Variants in CRADD observed in about 807,000 individuals in gnomAD.
CRADD encodes the protein death domain-containing protein CRADD.
Under a neutral mutation model 15.5 loss-of-function variants are expected in CRADD, and 9 were observed. The ratio of observed to expected loss-of-function variants is 0.58; its 90% confidence interval spans 0.35 to 1.01. The LOEUF is 1.01. CRADD is among the 50% of genes least tolerant of loss of function. CRADD has a pLI of 0.02. For missense variants in CRADD, 227 were observed against 250.3 expected (o/e 0.91, Z 0.63); for synonymous variants, 118 against 107.6 (o/e 1.10, Z -0.60).
intron 2 of CRADD, among the ~76,000 whole-genome samples, chr12:93,779,819 C>T (rs1411020114): frequency 6.6e-6 from 1 of 152,100 alleles, no homozygotes; most frequent in Non-Finnish European, 1.5e-5. Context: ...GAACTCCTGA[C>T]CTCAGGTGAT....
chr12:93,788,905 C>T (rs1365021733), intron 2 of CRADD, among the ~76,000 whole-genome samples: 5 of 152,118 alleles, frequency 3.3e-5, no homozygotes, highest in Admixed American at 3.3e-4. Context: ...CGTCATCAGC[C>T]TTTCCATAGT....
At position 93,775,202 on chromosome 12, in the gene CRADD, A is replaced by T. The variant is rs1957128505; in HGVS notation, c.299-74768A>T. ...AATGATTAATAAAATAACCTTCCAG[A>T]TACAGCTCAAACATCAATAAGCAAT... On this transcript the variant is annotated intron_variant, in intron 2 of 2. Transcript: ENST00000332896. 3.3e-5 allele frequency among the ~76,000 whole-genome samples: 5 copies of T among 152,368 alleles called. No homozygotes were observed. In the South Asian group the frequency reaches 1.0e-3, roughly 32 times the overall value.
At chr12:93,879,374 C>T (rs771524630) in intron 2 of CRADD, among the ~76,000 whole-genome samples, 1 of 152,166 alleles carries the variant, frequency 6.6e-6, no homozygotes, top group Non-Finnish European at 1.5e-5. Context: ...TCTACTCATT[C>T]AGCTTTCAGG....
Position 93,701,295 on chromosome 12 carries a change from GACACACACAC to G in CRADD, c.298+22251_298+22260del, listed in dbSNP as rs55986038. ...CATATCCTTCTCTCTCTCTCTCTGTGACACACACACACACACACACACACACACACACACA... is the reference window on the plus strand; with the variant it reads ...CATATCCTTCTCTCTCTCTCTCTGTGACACACACACACACACACACACACA... On this transcript the variant is annotated intron_variant, in intron 2 of 2. Coordinates refer to ENST00000332896, the MANE Select transcript of CRADD (RefSeq NM_003805.5). 4.2e-5 allele frequency among the ~76,000 whole-genome samples: 6 copies of G among 143,458 alleles called. No individual in the cohort carries two copies. In the South Asian group the frequency reaches 6.8e-4, roughly 16 times the overall value. 94.1% of individuals were successfully genotyped at this position (143,458 alleles called of 152,430 possible). A position where few individuals can be genotyped will look rare whatever the true frequency, so the allele number is the denominator to read the frequency against.
intron 2 of CRADD, among the ~76,000 whole-genome samples, chr12:93,837,011 G>T (rs1389566023): frequency 1.3e-5 from 2 of 152,166 alleles, no homozygotes; most frequent in Non-Finnish European, 1.5e-5. Context: ...CAGGGCAGCT[G>T]CCCTGAGAAG....
chr12:93,749,208 G>A (rs370365653), intron 2 of CRADD, among the ~76,000 whole-genome samples: 4 of 152,176 alleles, frequency 2.6e-5, no homozygotes, highest in African/African-American at 9.7e-5. Context: ...TAAAGGATGA[G>A]CAAGAATTAG....
chr12:93,841,344 A>T (rs1958044888), intron 2 of CRADD, among the ~76,000 whole-genome samples: 2 of 152,322 alleles, frequency 1.3e-5, no homozygotes, highest in South Asian at 4.1e-4. Flanking sequence ...TCATAAAATC[A>T]GCTAGATAGC....
At chr12:93,731,437 G>A (rs1349272847) in intron 2 of CRADD, among the ~76,000 whole-genome samples, 4 of 152,172 alleles carry the variant, frequency 2.6e-5, no homozygotes, top group Non-Finnish European at 5.9e-5. Flanking sequence ...GTTGGCACAG[G>A]CATGTGCTCA....
intron 2 of CRADD, among the ~76,000 whole-genome samples, chr12:93,881,287 C>CTTTG (rs375720643): frequency 3.9e-4 from 60 of 152,020 alleles, no homozygotes; most frequent in East Asian, 1.7e-3. Flanking sequence ...TCAGGCAGCA[C>CTTTG]TTTGTTTGTT....
At chr12:93,772,178 A>T (rs1263389050) in intron 2 of CRADD, among the ~76,000 whole-genome samples, 1 of 152,102 alleles carries the variant, frequency 6.6e-6, no homozygotes, top group African/African-American at 2.4e-5. Flanking sequence ...GACTGTTCAG[A>T]GTGTGTTTGT....
At chr12:93,781,631 A>C (rs1957211376) in intron 2 of CRADD, among the ~76,000 whole-genome samples, 1 of 152,218 alleles carries the variant, frequency 6.6e-6, no homozygotes, top group African/African-American at 2.4e-5. Context: ...GATCTGATAG[A>C]AAAGAAACAG....
chr12:93,815,003 G>A (rs1474172484), intron 2 of CRADD: 2 of 152,184 alleles, frequency 1.3e-5, no homozygotes, highest in African/African-American at 4.8e-5. Flanking sequence ...AGCAATCTGT[G>A]AAGGTAGCTT....
At chr12:93,717,047 C>CA (rs1222477836) in intron 2 of CRADD, among the ~76,000 whole-genome samples, 1 of 152,186 alleles carries the variant, frequency 6.6e-6, no homozygotes, top group Non-Finnish European at 1.5e-5. Context: ...TTGGTGTTGT[C>CA]AGAGTTTTGG....
intron 2 of CRADD, among the ~76,000 whole-genome samples, chr12:93,866,508 G>C (rs1392960938): frequency 6.6e-6 from 1 of 152,028 alleles, no homozygotes; most frequent in African/African-American, 2.4e-5. Flanking sequence ...GATAGTTTTT[G>C]TCTTCTTATC....
At position 93,850,434 on chromosome 12, in the gene CRADD, G is replaced by T; in HGVS notation, c.*163G>T. On this transcript the variant is annotated 3_prime_UTR_variant, in exon 3 of 3. Coordinates refer to ENST00000332896, the MANE Select transcript of CRADD (RefSeq NM_003805.5). The surrounding 1 kb of genome is among the most constrained non-coding windows in gnomAD (Gnocchi z 4.0). ...GTTTCCACTAGACATTACTTGAAAG[G>T]CCAGATTACTCAGCAGATCTCCCAT... The T allele has an allele frequency of 1.5e-6, 2 of 1,358,708 alleles. No individual in the cohort carries two copies. The highest frequency in any genetic ancestry group is 2.0e-5 in the South Asian group (1 of 50,802). 84.2% of individuals were successfully genotyped at this position (1,358,708 alleles called of 1,614,324 possible). A position where few individuals can be genotyped will look rare whatever the true frequency, so the allele number is the denominator to read the frequency against.
intron 2 of CRADD, among the ~76,000 whole-genome samples, chr12:93,869,141 G>A (rs996176145): frequency 6.6e-6 from 1 of 152,116 alleles, no homozygotes; most frequent in South Asian, 2.1e-4. Flanking sequence ...TATGCCAGAA[G>A]CATCATGCCC....
chr12:93,732,941 G>C (rs1488110059), intron 2 of CRADD, among the ~76,000 whole-genome samples: 1 of 152,126 alleles, frequency 6.6e-6, no homozygotes, highest in Admixed American at 6.5e-5. Flanking sequence ...TTGTCTAATA[G>C]ACCCAGATTT....
At chr12:93,790,239 A>G (rs572166739) in intron 2 of CRADD, among the ~76,000 whole-genome samples, 2 of 152,304 alleles carry the variant, frequency 1.3e-5, no homozygotes, top group South Asian at 4.1e-4. Context: ...CATTTCTAAT[A>G]ACTTTAATGG....
intron 2 of CRADD, among the ~76,000 whole-genome samples, chr12:93,833,139 A>G (rs1022805666): frequency 2.0e-5 from 3 of 152,204 alleles, no homozygotes; most frequent in Non-Finnish European, 1.5e-5. Context: ...CTAAGTGTTC[A>G]TTATAAGGAA....
Sources: allele counts gnomAD v4.1 joint callset (sites outside exome capture counted in the v4.1 genomes callset), GRCh38; gene constraint gnomAD v4.1.1; non-coding constraint Gnocchi (gnomAD v3.1); transcripts MANE v1.5; gene names NCBI Gene and HGNC (gene_info 2026-07-23, HGNC 2026-07-21).